The following FGD3 variants were observed in gnomAD, a reference collection of about 807,000 sequenced individuals.
The protein encoded by FGD3 is FYVE, RhoGEF and PH domain containing 3.
Under a neutral mutation model 71.8 loss-of-function variants are expected in FGD3, and 45 were observed. The ratio of observed to expected loss-of-function variants is 0.63; its 90% CI spans 0.49 to 0.80. The LOEUF (loss-of-function observed/expected upper bound fraction) is 0.80, where lower values mean the gene tolerates loss of function less well. FGD3 is among the 30% of genes least tolerant of loss of function. The pLI is 0.00. For synonymous variants in FGD3, 378 were observed against 392.8 expected (o/e 0.96, Z 0.44); for missense variants, 844 against 951.5 (o/e 0.89, Z 1.49).
At chr9:93,000,943 C>A (rs1226519760) in intron 3 of FGD3, among the ~76,000 whole-genome samples, 1 of 152,072 alleles carries the variant, frequency 6.6e-6, no homozygotes, top group African/African-American at 2.4e-5. Context: ...TTGATAGTGG[C>A]CCATACATCC....
intron 3 of FGD3, among the ~76,000 whole-genome samples, chr9:92,988,859 C>T (rs939947941): frequency 1.3e-5 from 2 of 152,126 alleles, no homozygotes; most frequent in African/African-American, 2.4e-5. Flanking sequence ...TGAAGATCTA[C>T]CTGTTTTGTG....
chr9:92,949,462 A>C (rs779090516), intron 1 of FGD3, among the ~76,000 whole-genome samples: 2 of 151,992 alleles, frequency 1.3e-5, no homozygotes, highest in Non-Finnish European at 2.9e-5. Flanking sequence ...CCATTTCCTC[A>C]TCATCCCTGC....
chr9:93,031,495 C>T (rs959737849), intron 15 of FGD3, among the ~76,000 whole-genome samples: 3 of 152,162 alleles, frequency 2.0e-5, no homozygotes, highest in Non-Finnish European at 4.4e-5. Flanking sequence ...GCTTGGCTTT[C>T]ATTGCCTTGG....
intron 6 of FGD3, among the ~76,000 whole-genome samples, chr9:93,007,144 G>T (rs1403588260): frequency 6.6e-6 from 1 of 151,646 alleles, no homozygotes; most frequent in Non-Finnish European, 1.5e-5. Context: ...AGGCTGGAGT[G>T]CAGTGGCGCG....
At position 93,004,153 on chromosome 9, in the gene FGD3, G is replaced by A; in HGVS notation, c.680+16G>A. ...CGGAGGAGTGGTGAGTACCATCTGC[G>A]CATGCCCATGGGGCCCCTCAAGTGT... On this transcript the variant is annotated intron_variant, in intron 5 of 17. Coordinates refer to ENST00000375482, the MANE Select transcript of FGD3 (RefSeq NM_001083536.2). The A allele has an allele frequency of 6.2e-7, 1 of 1,612,470 alleles. No homozygotes were observed.
intron 3 of FGD3, among the ~76,000 whole-genome samples, chr9:92,995,587 TTCAG>T (rs1860607524): frequency 1.3e-5 from 2 of 152,316 alleles, no homozygotes; most frequent in South Asian, 4.1e-4. Flanking sequence ...TTTTTGCTCA[TTCAG>T]TATGATATTG....
intron 1 of FGD3, among the ~76,000 whole-genome samples, chr9:92,973,086 A>G: frequency 7.1e-6 from 1 of 140,502 alleles, no homozygotes; most frequent in East Asian, 2.0e-4. Flanking sequence ...CATTAGTTAT[A>G]GTCCCTTTTA....
intron 1 of FGD3, among the ~76,000 whole-genome samples, chr9:92,970,447 T>C (rs923063345): frequency 6.6e-6 from 1 of 152,076 alleles, no homozygotes; most frequent in Non-Finnish European, 1.5e-5. Context: ...GAGGCTCAAG[T>C]GTTTAAAGAA....
At chr9:93,012,919 G>C (rs1564163279) in intron 8 of FGD3, among the ~76,000 whole-genome samples, 1 of 151,452 alleles carries the variant, frequency 6.6e-6, no homozygotes, top group Non-Finnish European at 1.5e-5. Flanking sequence ...TACATTCCAG[G>C]TGCATGCATT....
chr9:93,020,809 G>A (rs55903042), intron 13 of FGD3, among the ~76,000 whole-genome samples: 48,386 of 152,008 alleles, frequency 0.32, 8,141 homozygotes, highest in African/African-American at 0.42. Flanking sequence ...TTGAACAGTC[G>A]GCCACCTTTC....
rs773955624 is a variant in FGD3, at chr9:93,006,168, C to G, written c.825C>G (p.Val275=). ...GCTCCCCACTGTTTAAAGACGTCGT[C>G]CACAGCATCCAGGTAAGGCCGGCAG... The part of the protein sequence containing the change: ...TQRSPLFKDV[V]HSIQKQEVCG... Residue 275 remains valine (V), a synonymous_variant, in exon 6 of 18, where the codon GTC becomes GTG. Transcript: ENST00000375482. 1 of 1,584,274 alleles carries G rather than the reference C, an allele frequency of 6.3e-7. No individual in the cohort carries two copies. The highest frequency in any genetic ancestry group is 1.1e-5 in the South Asian group (1 of 87,718).
intron 1 of FGD3, among the ~76,000 whole-genome samples, chr9:92,952,153 A>G (rs1413794627): frequency 6.6e-6 from 1 of 152,152 alleles, no homozygotes; most frequent in Non-Finnish European, 1.5e-5. Context: ...ATGTGAGTCA[A>G]TGCAGGGGGT....
intron 14 of FGD3, among the ~76,000 whole-genome samples, chr9:93,024,133 A>G (rs957081460): frequency 2.0e-5 from 3 of 152,168 alleles, no homozygotes. Context: ...ATTGCCAAAC[A>G]GTAAGTGTGA....
At chr9:92,964,497 C>T (rs936178333) in intron 1 of FGD3, 3 of 152,236 alleles carry the variant, frequency 2.0e-5, no homozygotes, top group Admixed American at 6.5e-5. Flanking sequence ...TGTGGTGGCA[C>T]GGAATGGTGT....
At chr9:92,976,141 G>T (rs1859743160) in intron 2 of FGD3, 67 bp from the exon 3 acceptor site, 1 of 963,676 alleles carries the variant, frequency 1.0e-6, no homozygotes, top group African/African-American at 1.7e-5. Context: ...CTGCATTTGG[G>T]GGTTGCACCT....
At chr9:92,971,623 T>C (rs1167461221) in intron 1 of FGD3, among the ~76,000 whole-genome samples, 6 of 129,654 alleles carry the variant, frequency 4.6e-5, no homozygotes, top group African/African-American at 1.8e-4. Context: ...TCCCCTAGGC[T>C]GGAGTGCAGT....
At chr9:93,014,558 A>C (rs894683237) in intron 9 of FGD3, among the ~76,000 whole-genome samples, 1 of 152,138 alleles carries the variant, frequency 6.6e-6, no homozygotes, top group African/African-American at 2.4e-5. Flanking sequence ...ACGTTAACTA[A>C]AACTCATTTT....
At chr9:93,031,609 C>T (rs1862358303) in intron 15 of FGD3, among the ~76,000 whole-genome samples, 1 of 152,144 alleles carries the variant, frequency 6.6e-6, no homozygotes, top group African/African-American at 2.4e-5. Flanking sequence ...GGGTGCCTTC[C>T]ATCTACTTGA....
chr9:93,004,553 G>C (rs978515441), intron 5 of FGD3, among the ~76,000 whole-genome samples: 2 of 152,130 alleles, frequency 1.3e-5, no homozygotes, highest in African/African-American at 4.8e-5. Flanking sequence ...TGCTGTCCCT[G>C]TGGCCTGTCC....
Sources: gnomAD v4.1 joint callset for allele counts (sites outside exome capture counted in the v4.1 genomes callset) on GRCh38, gnomAD v4.1.1 for gene constraint, MANE v1.5 for transcripts, NCBI Gene and HGNC (gene_info 2026-07-23, HGNC 2026-07-21) for gene names.